MBD5: variants seen among roughly 807,000 people sequenced by gnomAD.
MBD5 encodes methyl-CpG binding domain protein 5, also known as methyl-CpG-binding domain protein 5.
Under a neutral mutation model 117.3 loss-of-function variants are expected in MBD5, and 13 were observed. The ratio of observed to expected loss-of-function variants is 0.11; its 90% CI spans 0.07 to 0.18. The LOEUF (loss-of-function observed/expected upper bound fraction) is 0.18. Ranked by LOEUF, MBD5 falls within the 10% of genes least tolerant of loss-of-function variation. The pLI is 1.00. For synonymous variants in MBD5, 727 were observed against 766.4 expected (o/e 0.95, Z 0.85); for missense variants, 1,879 against 2,093.8 (o/e 0.90, Z 2.00).
At chr2:148,446,743 A>T (rs1026347877) in intron 4 of MBD5, among the ~76,000 whole-genome samples, 1 of 151,972 alleles carries the variant, frequency 6.6e-6, no homozygotes, top group Non-Finnish European at 1.5e-5. Flanking sequence ...ATGGAGGTAG[A>T]ACAAAATAAG....
intron 4 of MBD5, among the ~76,000 whole-genome samples, chr2:148,363,123 T>C (rs1703589062): frequency 6.6e-6 from 1 of 152,094 alleles, no homozygotes. Context: ...GGAACAAAAC[T>C]GGACAGAGAA....
At chr2:148,238,968 A>G (rs1700150171) in intron 3 of MBD5, among the ~76,000 whole-genome samples, 1 of 151,822 alleles carries the variant, frequency 6.6e-6, no homozygotes, top group Admixed American at 6.6e-5. Flanking sequence ...ATATTTTTGG[A>G]GAAACATAAT....
chr2:148,395,417 C>T (rs1216883104), intron 4 of MBD5, among the ~76,000 whole-genome samples: 2 of 148,412 alleles, frequency 1.3e-5, no homozygotes, highest in Admixed American at 6.9e-5. Context: ...ATCCATTGGC[C>T]CAACTCATCT....
At chr2:148,391,408 C>G (rs1169996311) in intron 4 of MBD5, among the ~76,000 whole-genome samples, 1 of 152,172 alleles carries the variant, frequency 6.6e-6, no homozygotes, top group Non-Finnish European at 1.5e-5. Context: ...GACTAAATGA[C>G]TCAATGACTT....
intron 1 of MBD5, among the ~76,000 whole-genome samples, chr2:148,165,455 C>CT (rs1698106031): frequency 6.6e-6 from 1 of 151,822 alleles, no homozygotes; most frequent in African/African-American, 2.4e-5. Context: ...TTGAGGTAAT[C>CT]TTTTTATTAT....
intron 3 of MBD5, among the ~76,000 whole-genome samples, chr2:148,280,202 G>A (rs1312203942): frequency 6.6e-6 from 1 of 150,472 alleles, no homozygotes; most frequent in Non-Finnish European, 1.5e-5. Flanking sequence ...TACATATGTG[G>A]ACTATATTAT....
intron 7 of MBD5, among the ~76,000 whole-genome samples, chr2:148,467,358 C>T (rs765039492): frequency 2.0e-5 from 3 of 152,090 alleles, no homozygotes; most frequent in Non-Finnish European, 2.9e-5. Flanking sequence ...TCTGTCTGAT[C>T]TCCAGAAAAA....
intron 4 of MBD5, among the ~76,000 whole-genome samples, chr2:148,457,846 AC>A (rs1168002953): frequency 6.6e-6 from 1 of 152,188 alleles, no homozygotes; most frequent in Non-Finnish European, 1.5e-5. Flanking sequence ...GGATTAACAC[AC>A]AACTGTGTAG....
intron 11 of MBD5, among the ~76,000 whole-genome samples, chr2:148,496,404 T>G (rs1681702347): frequency 6.6e-6 from 1 of 152,198 alleles, no homozygotes; most frequent in Admixed American, 6.5e-5. Context: ...ACTGTAAACT[T>G]TACTATAGTG....
intron 3 of MBD5, among the ~76,000 whole-genome samples, chr2:148,326,544 G>A (rs1358628753): frequency 2.6e-5 from 4 of 152,162 alleles, no homozygotes; most frequent in South Asian, 2.1e-4. Flanking sequence ...CATATATTTA[G>A]GATAGTTAGC....
intron 9 of MBD5, chr2:148,485,019 A>G (rs1458036662): frequency 1.3e-5 from 2 of 152,228 alleles, no homozygotes; most frequent in Admixed American, 6.5e-5. Flanking sequence ...GAAGCATTAC[A>G]GATTTACATG....
chr2:148,066,749 AT>A (rs1371131063), intron 1 of MBD5, among the ~76,000 whole-genome samples: 1 of 152,184 alleles, frequency 6.6e-6, no homozygotes, highest in Admixed American at 6.5e-5. Context: ...AAGTGCTGGG[AT>A]TATAGGCAAG....
In MBD5 at chr2:148,294,501, G is replaced by GTTTTTTTTTTTTTGGT. The variant is rs761709621; in HGVS notation, c.-679-47700_-679-47699insGGTTTTTTTTTTTTTT. On this transcript the variant is annotated intron_variant, in intron 3 of 13. Transcript: ENST00000642680. ...GGCCTCCCAAAGTGCTGGGATTACA[G>GTTTTTTTTTTTTTGGT]TTTTTTTTTTTTTTTTTTTTGAGAT... Among the ~76,000 whole-genome samples the GTTTTTTTTTTTTTGGT allele has an allele frequency of 1.8e-5, 2 of 113,262 alleles. 1 individual carries two copies. The highest frequency in any genetic ancestry group is 7.3e-5 in the African/African-American group (2 of 27,300). 74.3% of individuals were successfully genotyped at this position (113,262 alleles called of 152,430 possible).
intron 1 of MBD5, among the ~76,000 whole-genome samples, chr2:148,038,441 T>A (rs1372428088): frequency 6.6e-6 from 1 of 151,494 alleles, no homozygotes; most frequent in East Asian, 1.9e-4. Context: ...GGGTTGTATC[T>A]TTTTTCTTTT....
At chr2:148,488,666 G>A (rs1017272679) in intron 10 of MBD5, among the ~76,000 whole-genome samples, 1 of 110,768 alleles carries the variant, frequency 9.0e-6, no homozygotes, top group African/African-American at 3.4e-5. Context: ...TGGGGGGTGG[G>A]GGGTAAAATT....
intron 3 of MBD5, among the ~76,000 whole-genome samples, chr2:148,242,822 C>T (rs1033558010): frequency 1.3e-5 from 2 of 152,150 alleles, no homozygotes; most frequent in African/African-American, 2.4e-5. Context: ...GAGTAGTTAA[C>T]GTGTCTGTCC....
chr2:148,401,427 A>T (rs1704918889), intron 4 of MBD5, among the ~76,000 whole-genome samples: 1 of 152,028 alleles, frequency 6.6e-6, no homozygotes, highest in Non-Finnish European at 1.5e-5. Flanking sequence ...TTCTTCAAAG[A>T]TTACCATCAT....
chr2:148,102,567 G>T (rs998337736), intron 1 of MBD5, among the ~76,000 whole-genome samples: 1 of 151,782 alleles, frequency 6.6e-6, no homozygotes, highest in Admixed American at 6.6e-5. Flanking sequence ...GTGTTCTTTC[G>T]GTGGTATCAG....
At chr2:148,309,249 T>G (rs1701968638) in intron 3 of MBD5, among the ~76,000 whole-genome samples, 1 of 152,234 alleles carries the variant, frequency 6.6e-6, no homozygotes, top group African/African-American at 2.4e-5. Flanking sequence ...TTGGGCAGTA[T>G]GGCCATTTTC....
Sources: allele counts gnomAD v4.1 joint callset (sites outside exome capture counted in the v4.1 genomes callset), GRCh38; gene constraint gnomAD v4.1.1; transcripts MANE v1.5; gene names NCBI Gene and HGNC (gene_info 2026-07-23, HGNC 2026-07-21).